ASIC2: variants seen among roughly 807,000 people sequenced by gnomAD.
ASIC2 encodes the protein acid sensing ion channel subunit 2.
ASIC2 carries 25 observed loss-of-function variants against 57.3 expected under a neutral mutation model. The ratio of observed to expected loss-of-function variants is 0.44; its 90% CI spans 0.32 to 0.61. The LOEUF (loss-of-function observed/expected upper bound fraction) is 0.61. Ranked by LOEUF, ASIC2 falls within the 20% of genes least tolerant of loss-of-function variation. The probability of loss-of-function intolerance (pLI) is 0.06; values close to 1 mark genes in which losing one functional copy is unlikely to be tolerated. For missense variants in ASIC2, 641 were observed against 738.1 expected (o/e 0.87, Z 1.52); for synonymous variants, 319 against 307.5 (o/e 1.04, Z -0.39).
chr17:33,998,345 T>A (rs1906228124), intron 1 of ASIC2, among the ~76,000 whole-genome samples: 1 of 152,172 alleles, frequency 6.6e-6, no homozygotes, highest in Admixed American at 6.5e-5. Flanking sequence ...ATTGATATTT[T>A]TCATTGTTTT....
chr17:33,978,765 G>A (rs1439938440), intron 1 of ASIC2, among the ~76,000 whole-genome samples: 2 of 152,148 alleles, frequency 1.3e-5, no homozygotes, highest in African/African-American at 4.8e-5. Flanking sequence ...ACAGAGGGAG[G>A]AGTAAGGAGT....
At chr17:33,259,727 G>C (rs1266981663) in intron 1 of ASIC2, among the ~76,000 whole-genome samples, 1 of 152,112 alleles carries the variant, frequency 6.6e-6, no homozygotes, top group Non-Finnish European at 1.5e-5. Flanking sequence ...CTGGGAATAG[G>C]GATGGAAGTA....
intron 1 of ASIC2, among the ~76,000 whole-genome samples, chr17:33,338,742 T>A (rs1459565707): frequency 6.6e-6 from 1 of 152,212 alleles, no homozygotes; most frequent in Non-Finnish European, 1.5e-5. Flanking sequence ...TTAAAATTTC[T>A]TGGGTGGATA....
intron 1 of ASIC2, among the ~76,000 whole-genome samples, chr17:33,875,694 G>T (rs1218060638): frequency 6.6e-6 from 1 of 152,144 alleles, no homozygotes; most frequent in East Asian, 1.9e-4. Context: ...TGTGCACTAA[G>T]AAGATGCTTA....
At chr17:33,662,777 C>G (rs1253045206) in intron 1 of ASIC2, among the ~76,000 whole-genome samples, 1 of 117,772 alleles carries the variant, frequency 8.5e-6, no homozygotes, top group African/African-American at 3.1e-5. Context: ...TCCTACTTGT[C>G]TTTTTCTTTT....
intron 1 of ASIC2, among the ~76,000 whole-genome samples, chr17:33,642,207 A>C (rs1244406382): frequency 3.3e-3 from 454 of 136,602 alleles, no homozygotes; most frequent in Middle Eastern, 3.9e-3. Flanking sequence ...GCAAAAGGAC[A>C]CCCCCCCCCC....
chr17:33,752,684 T>C (rs1910471043), intron 1 of ASIC2, among the ~76,000 whole-genome samples: 1 of 152,166 alleles, frequency 6.6e-6, no homozygotes, highest in East Asian at 1.9e-4. Flanking sequence ...AGATGGCAGA[T>C]AAGTATACAA....
intron 1 of ASIC2, chr17:34,039,925 C>G (rs974573203): frequency 2.0e-6 from 3 of 1,469,064 alleles, no homozygotes; most frequent in Admixed American, 3.4e-5. Flanking sequence ...GGAGGGACCC[C>G]GACCCGACCC....
intron 1 of ASIC2, among the ~76,000 whole-genome samples, chr17:33,933,428 C>T (rs1915989001): frequency 6.6e-6 from 1 of 152,222 alleles, no homozygotes. Context: ...AATGCTTGTT[C>T]AATGAACACA....
In ASIC2 at chr17:33,979,399, C is replaced by A. The variant is rs1905524056; in HGVS notation, c.555+176579G>T. ...AGAAACCCTGACTTCTCCCCTCCAC[C>A]CAGCCGAGCTCCACCAAGCCCAGGA... On this transcript the variant is annotated intron_variant, in intron 1 of 9. Coordinates refer to the ASIC2 transcript ENST00000359872. 2.0e-5 allele frequency among the ~76,000 whole-genome samples: 3 copies of A among 152,154 alleles called. No homozygotes were observed. The South Asian group carries it at 6.2e-4, about 32-fold the overall frequency.
chr17:34,008,418 A>C (rs1436928685), intron 1 of ASIC2, among the ~76,000 whole-genome samples: 1 of 152,210 alleles, frequency 6.6e-6, no homozygotes, highest in Non-Finnish European at 1.5e-5. Context: ...GGACTCATTC[A>C]TCTTCTTTGT....
chr17:33,070,599 G>C (rs2092065077), intron 3 of ASIC2, among the ~76,000 whole-genome samples: 1 of 152,108 alleles, frequency 6.6e-6, no homozygotes, highest in African/African-American at 2.4e-5. Context: ...GCCTCCCAAA[G>C]TGCTGGGATT....
intron 1 of ASIC2, among the ~76,000 whole-genome samples, chr17:33,499,480 A>C (rs1393895478): frequency 1.3e-5 from 2 of 152,242 alleles, no homozygotes; most frequent in Non-Finnish European, 2.9e-5. Context: ...GCAGAGATCA[A>C]GGTGATGCAT....
intron 3 of ASIC2, among the ~76,000 whole-genome samples, chr17:33,030,462 T>C (rs1246573491): frequency 2.0e-5 from 3 of 152,186 alleles, no homozygotes; most frequent in Non-Finnish European, 4.4e-5. Context: ...TCATTCTCTT[T>C]TATTGCCGAG....
intron 1 of ASIC2, among the ~76,000 whole-genome samples, chr17:33,463,759 C>CTCTCTCTCCTCTGCCCCCAGCTGCAGTG (rs1193030547): frequency 6.6e-6 from 1 of 152,234 alleles, no homozygotes; most frequent in African/African-American, 2.4e-5. Context: ...CCCAGTCGAT[C>CTCTCTCTCCTCTGCCCCCAGCTGCAGTG]TCTCTCTCCT....
intron 1 of ASIC2, among the ~76,000 whole-genome samples, chr17:33,505,462 T>C (rs1914219918): frequency 6.6e-6 from 1 of 152,184 alleles, no homozygotes; most frequent in South Asian, 2.1e-4. Flanking sequence ...TATTGTTTAT[T>C]GCCAAATCTA....
At chr17:33,679,605 G>A (rs1907936223) in intron 1 of ASIC2, among the ~76,000 whole-genome samples, 1 of 152,158 alleles carries the variant, frequency 6.6e-6, no homozygotes, top group African/African-American at 2.4e-5. Flanking sequence ...ACTAGGAAGG[G>A]AGCCAGTAGA....
chr17:33,356,825 A>T, intron 1 of ASIC2, among the ~76,000 whole-genome samples: 1 of 151,918 alleles, frequency 6.6e-6, no homozygotes, highest in Non-Finnish European at 1.5e-5. Context: ...CAGCTTAGGG[A>T]TCCAAGGGGA....
At chr17:34,075,823 C>CTT (rs57703083) in intron 1 of ASIC2, among the ~76,000 whole-genome samples, 65 of 77,536 alleles carry the variant, frequency 8.4e-4, no homozygotes, top group East Asian at 4.3e-3. Context: ...TTTCTTTTTC[C>CTT]TTTTTTTTTT....
Sources: gnomAD v4.1 joint callset for allele counts (sites outside exome capture counted in the v4.1 genomes callset) on GRCh38, gnomAD v4.1.1 for gene constraint, MANE v1.5 for transcripts, NCBI Gene and HGNC (gene_info 2026-07-23, HGNC 2026-07-21) for gene names.